CLTCL1: variants seen among roughly 807,000 people sequenced by gnomAD.
The protein encoded by CLTCL1 is clathrin heavy chain 2.
A neutral mutation model predicts 190.0 loss-of-function variants in CLTCL1; 159 were observed. That is an observed-to-expected ratio of 0.84 (90% CI 0.74 to 0.95). The LOEUF (loss-of-function observed/expected upper bound fraction) is 0.95, where lower values mean the gene tolerates loss of function less well. Among genes scored for constraint, CLTCL1 ranks in the 40% least tolerant of loss-of-function variants. The pLI, the probability that CLTCL1 is intolerant of heterozygous loss-of-function variation, is 0.00. For synonymous variants in CLTCL1, 752 were observed against 769.6 expected, an observed-to-expected ratio of 0.98 and a Z score of 0.38; for missense variants, 1,878 against 2,033.4, an observed-to-expected ratio of 0.92 and a Z score of 1.47.
Position 19,207,596 on chromosome 22 carries a change from C to T in CLTCL1, c.3600+558G>A, listed in dbSNP as rs1312258699. ...GGTCCCCAACCCCCATGCCACGGAC[C>T]GCTGCTGGTCTGTGGCCTGTTAGGA... is the stretch of plus-strand genomic sequence containing the variant. On this transcript the variant is annotated intron_variant, in intron 22 of 32. Coordinates refer to ENST00000427926, the MANE Select transcript of CLTCL1 (RefSeq NM_007098.4). The T allele has an allele frequency of 2.7e-5, 11 of 405,038 alleles. 1 individual carries two copies. The South Asian group carries it at 1.3e-3, about 49-fold the overall frequency. 25.1% of individuals were successfully genotyped at this position (405,038 alleles called of 1,614,324 possible).
In CLTCL1 at chr22:19,224,005, A is replaced by G. The variant is rs782489290; in HGVS notation, c.2178T>C (p.Asp726=). The G allele has an allele frequency of 6.2e-7, 1 of 1,614,008 alleles. No homozygotes were observed. The highest frequency in any genetic ancestry group is 2.2e-5 in the East Asian group (1 of 44,876). The change falls in exon 14 of 33, where the codon GAT becomes GAC. Residue 726 remains aspartate, a synonymous_variant. Coordinates refer to ENST00000427926, the MANE Select transcript of CLTCL1 (RefSeq NM_007098.4). ...CAGCCTGAATGTATTTCAGATGCACATCTGGGTCTTGGCTGAAGTTCACGA... is the reference window on the plus strand; with the variant it reads ...CAGCCTGAATGTATTTCAGATGCACGTCTGGGTCTTGGCTGAAGTTCACGA... ...GSIVNFSQDP[D]VHLKYIQAAC... is the part of the protein sequence containing the mutation.
intron 3 of CLTCL1, among the ~76,000 whole-genome samples, chr22:19,248,222 G>A (rs981931141): frequency 9.9e-5 from 15 of 152,008 alleles, no homozygotes; most frequent in African/African-American, 1.9e-4. Context: ...GCTTGAACCC[G>A]GGAGGCGGAG....
intron 26 of CLTCL1, among the ~76,000 whole-genome samples, chr22:19,195,685 A>G (rs192682750): frequency 6.9e-4 from 105 of 152,162 alleles, no homozygotes; most frequent in African/African-American, 2.5e-3. Context: ...TCTCTAAGAG[A>G]CCGGAAACAA....
intron 3 of CLTCL1, among the ~76,000 whole-genome samples, chr22:19,250,972 C>A (rs1291300710): frequency 6.6e-6 from 1 of 152,066 alleles, no homozygotes; most frequent in Non-Finnish European, 1.5e-5. Flanking sequence ...CTTGCAATTC[C>A]ACATAAATTT....
chr22:19,264,562 G>A (rs2087056361), intron 2 of CLTCL1, among the ~76,000 whole-genome samples: 1 of 151,988 alleles, frequency 6.6e-6, no homozygotes, highest in Non-Finnish European at 1.5e-5. Flanking sequence ...TACACAGCTA[G>A]AAAAAAAGAG....
chr22:19,265,844 T>C (rs1182408299), intron 2 of CLTCL1, among the ~76,000 whole-genome samples: 2 of 152,156 alleles, frequency 1.3e-5, no homozygotes, highest in Admixed American at 1.3e-4. Flanking sequence ...AAGTAGGGTT[T>C]TTCAAAACAA....
In CLTCL1 at chr22:19,197,113, G is replaced by A. The variant is rs541779074; in HGVS notation, c.3874-457C>T. On this transcript the variant is annotated intron_variant, in intron 24 of 32. Coordinates refer to ENST00000427926, the MANE Select transcript of CLTCL1 (RefSeq NM_007098.4). ...CAGCCCCTTGCATTCAGCCCCACAC[G>A]CCTCTGACACTCTCCCTGGACAAGA... Among the ~76,000 whole-genome samples the A allele has an allele frequency of 4.6e-5, 7 of 152,114 alleles. No individual in the cohort carries two copies. The South Asian group carries it at 8.3e-4, about 18-fold the overall frequency.
At chr22:19,243,175 T>C (rs1460414960) in intron 3 of CLTCL1, among the ~76,000 whole-genome samples, 1 of 152,140 alleles carries the variant, frequency 6.6e-6, no homozygotes, top group African/African-American at 2.4e-5. Flanking sequence ...CCTAATTTGT[T>C]AAATATAGTA....
chr22:19,280,437 C>G (rs998285347), intron 1 of CLTCL1, among the ~76,000 whole-genome samples: 7 of 151,728 alleles, frequency 4.6e-5, no homozygotes, highest in Non-Finnish European at 8.8e-5. Flanking sequence ...TATACACATG[C>G]AATAGGAGTA....
In CLTCL1 at chr22:19,239,436, G is replaced by A. The variant is rs781870780; in HGVS notation, c.682-48C>T. On this transcript the variant is annotated intron_variant, in intron 4 of 32. Transcript: ENST00000427926. ...ATCAAGGGGACCGCCTGTGGTGGTG[G>A]GCAAGTGCTAGTCAAGGCACAGAGG... is the stretch of plus-strand genomic sequence containing the variant. The A allele has an allele frequency of 2.1e-6, 3 of 1,397,152 alleles. No homozygotes were observed. The Admixed American group carries it at 5.0e-5, about 23-fold the overall frequency. The allele number at this position is 1,397,152 out of a possible 1,614,324, so 86.5% of individuals were successfully genotyped here. A position where few individuals can be genotyped will look rare whatever the true frequency, so the allele number is the denominator to read the frequency against.
intron 2 of CLTCL1, among the ~76,000 whole-genome samples, chr22:19,270,029 C>G (rs2087257252): frequency 6.6e-6 from 1 of 151,298 alleles, no homozygotes; most frequent in South Asian, 2.1e-4. Context: ...GCATTGATAG[C>G]AGCAATATTC....
At chr22:19,237,190 T>C (rs782701569) in intron 5 of CLTCL1, among the ~76,000 whole-genome samples, 3 of 152,070 alleles carry the variant, frequency 2.0e-5, no homozygotes, top group Non-Finnish European at 4.4e-5. Flanking sequence ...GTAAAAATCC[T>C]GGAGTTGGGC....
chr22:19,222,843 G>GT, intron 14 of CLTCL1, 34 bp from the exon 15 acceptor site: 1 of 1,576,650 alleles, frequency 6.3e-7, no homozygotes, highest in Middle Eastern at 1.7e-4. Flanking sequence ...AAGTCAGGGA[G>GT]TGGAGAAACC....
intron 3 of CLTCL1, among the ~76,000 whole-genome samples, chr22:19,243,746 G>C (rs1314475110): frequency 1.6e-5 from 2 of 126,818 alleles, no homozygotes; most frequent in Non-Finnish European, 3.1e-5. Flanking sequence ...CACCCAGGCT[G>C]GAGTGCAGTG....
In CLTCL1 at chr22:19,235,914, A is replaced by G. The variant is rs782491734; in HGVS notation, c.796-45T>C. 9.8e-6 allele frequency: 15 copies of G among 1,525,540 alleles called. 1 individual carries two copies. The South Asian group carries it at 1.7e-4, about 17-fold the overall frequency. 94.5% of individuals were successfully genotyped at this position (1,525,540 alleles called of 1,614,324 possible). On this transcript the variant is annotated intron_variant, in intron 5 of 32. Coordinates refer to ENST00000427926, the MANE Select transcript of CLTCL1 (RefSeq NM_007098.4). The stretch of plus-strand genomic sequence containing the variant: ...AAGAGGTTGGAAAGTAAGGAGGAGA[A>G]GCCATGCGGGTAAAAAGAGCTCACA...
chr22:19,201,392 G>T lies in CLTCL1; in HGVS notation c.3702C>A (p.Leu1234=), dbSNP rs782416337. 1.2e-6 allele frequency: 2 copies of T among 1,613,684 alleles called. No homozygotes were observed. The highest frequency in any genetic ancestry group is 1.7e-6 in the Non-Finnish European group (2 of 1,179,854). ...FARLASTLVH[L]GEYQAAVDNS... ...TGTCCACTGCTGCCTGATACTCACC[G>T]AGGTGAACCAAGGTGGAAGCCAGGC... is the stretch of plus-strand genomic sequence containing the variant. Residue 1234 remains leucine, a synonymous_variant, in exon 23 of 33, where the codon CTC becomes CTA. Transcript: ENST00000427926.
chr22:19,183,690 G>T, intron 29 of CLTCL1, 79 bp from the exon 30 acceptor site: 1 of 1,414,594 alleles, frequency 7.1e-7, no homozygotes, highest in South Asian at 1.2e-5. Flanking sequence ...CGGAGGGCAG[G>T]GAGTGGCACT....
chr22:19,271,615 C>T (rs1245469246), intron 2 of CLTCL1, among the ~76,000 whole-genome samples: 1 of 152,164 alleles, frequency 6.6e-6, no homozygotes, highest in East Asian at 1.9e-4. Flanking sequence ...TCAATTCAAC[C>T]TCTTTTCTTC....
intron 2 of CLTCL1, among the ~76,000 whole-genome samples, chr22:19,262,586 T>C (rs528271632): frequency 6.7e-6 from 1 of 148,606 alleles, no homozygotes; most frequent in African/African-American, 2.5e-5. Context: ...GAGCCGAGAT[T>C]GCACTACTGC....
Sources: gnomAD v4.1 joint callset for allele counts (sites outside exome capture counted in the v4.1 genomes callset) on GRCh38, gnomAD v4.1.1 for gene constraint, MANE v1.5 for transcripts, NCBI Gene and HGNC (gene_info 2026-07-23, HGNC 2026-07-21) for gene names.